TEK: variants seen among roughly 807,000 people sequenced by gnomAD.
TEK encodes angiopoietin-1 receptor.
In TEK, 43 loss-of-function variants were observed where a neutral mutation model predicts 131.8. The ratio of observed to expected loss-of-function variants is 0.33; its 90% CI spans 0.26 to 0.42. The LOEUF is 0.42. TEK is among the 10% of genes least tolerant of loss of function. TEK has a pLI of 1.00. For synonymous variants in TEK, 580 were observed against 491.6 expected (o/e 1.18, Z -2.38); for missense variants, 1,162 against 1,384.4 (o/e 0.84, Z 2.55).
At chr9:27,176,021 A>G (rs1281192728) in intron 6 of TEK, among the ~76,000 whole-genome samples, 1 of 152,168 alleles carries the variant, frequency 6.6e-6, no homozygotes, top group East Asian at 1.9e-4. Flanking sequence ...TCCTGGCTCA[A>G]GAAATCACCA....
intron 6 of TEK, among the ~76,000 whole-genome samples, chr9:27,177,057 T>C (rs1462352819): frequency 1.3e-5 from 2 of 152,204 alleles, no homozygotes; most frequent in African/African-American, 4.8e-5. Context: ...CCATTATATA[T>C]GTGTACACAC....
intron 1 of TEK, among the ~76,000 whole-genome samples, chr9:27,152,346 G>A (rs1479638724): frequency 2.0e-5 from 3 of 151,554 alleles, no homozygotes; most frequent in South Asian, 2.1e-4. Flanking sequence ...CCAACACTTC[G>A]AAGATCAGGG....
At chr9:27,155,476 C>G (rs991486694) in intron 1 of TEK, among the ~76,000 whole-genome samples, 4 of 152,134 alleles carry the variant, frequency 2.6e-5, no homozygotes, top group African/African-American at 9.7e-5. Context: ...TACACGAAGA[C>G]TTGACTTTGA....
chr9:27,215,384 C>T (rs915909460), intron 18 of TEK, among the ~76,000 whole-genome samples: 1 of 152,082 alleles, frequency 6.6e-6, no homozygotes, highest in Non-Finnish European at 1.5e-5. Context: ...TGCAGTGTGG[C>T]AAGACACTCC....
chr9:27,180,749 G>T (rs13295206), intron 7 of TEK, among the ~76,000 whole-genome samples: 11,395 of 152,082 alleles, frequency 0.075, 558 homozygotes, highest in South Asian at 0.11. Context: ...GCAATAGAAA[G>T]AATAAAACAA....
chr9:27,204,276 G>A (rs1413827), intron 13 of TEK, among the ~76,000 whole-genome samples: 36,594 of 152,006 alleles, frequency 0.24, 4,596 homozygotes, highest in Admixed American at 0.32. Flanking sequence ...AAAATATATC[G>A]AGTTTAATTT....
intron 16 of TEK, among the ~76,000 whole-genome samples, chr9:27,209,646 A>C (rs919008333): frequency 5.3e-5 from 8 of 152,228 alleles, no homozygotes; most frequent in Non-Finnish European, 2.9e-5. Context: ...GAATGCCAGC[A>C]ATCTAGTGTA....
In TEK at chr9:27,158,143, G is replaced by A; in HGVS notation, c.364+1G>A. Reference sequence around the variant, plus strand: ...CGAACCATGAAGATGCGTCAACAAGGTAACATGCCCCTAAGTTTTGGGCAG... The same window carrying A: ...CGAACCATGAAGATGCGTCAACAAGATAACATGCCCCTAAGTTTTGGGCAG... On this transcript the variant is annotated splice_donor_variant, in intron 2 of 22. Coordinates refer to ENST00000380036, the MANE Select transcript of TEK (RefSeq NM_000459.5). LOFTEE classifies it high-confidence loss of function. 2 of 1,614,062 alleles carry A rather than the reference G, an allele frequency of 1.2e-6. No homozygotes were observed. The highest frequency in any genetic ancestry group is 1.7e-6 in the Non-Finnish European group (2 of 1,179,998).
intron 1 of TEK, among the ~76,000 whole-genome samples, chr9:27,133,780 G>T (rs761554034): frequency 1.3e-5 from 2 of 152,136 alleles, no homozygotes; most frequent in Admixed American, 6.5e-5. Context: ...TTCAACCAGA[G>T]TAATTATACT....
intron 18 of TEK, among the ~76,000 whole-genome samples, chr9:27,215,016 T>C (rs1825766450): frequency 6.6e-6 from 1 of 152,176 alleles, no homozygotes; most frequent in Non-Finnish European, 1.5e-5. Flanking sequence ...TCAAATCTCC[T>C]TCCTGAAATC....
intron 2 of TEK, among the ~76,000 whole-genome samples, chr9:27,162,739 G>A (rs922562922): frequency 8.0e-5 from 12 of 150,672 alleles, no homozygotes; most frequent in African/African-American, 1.5e-4. Context: ...TTTTTTAGAC[G>A]GAGTCTTGCT....
chr9:27,168,503 C>A lies in TEK; in HGVS notation c.373C>A (p.Leu125Ile), dbSNP rs776834033. Reference protein sequence around the residue: ...TMKMRQQASFLPATLTMTVDK... With the variant: ...TMKMRQQASFIPATLTMTVDK... ...TTTCTCTCTTTTAAAAGCTTCCTTC[C>A]TACCAGCTACTTTAACTATGACTGT... The change falls in exon 3 of 23, where the codon CTA (leucine) becomes ATA (isoleucine). Residue 125 changes from leucine (L) to isoleucine (I), a missense_variant. Physicochemically the swap from Leu to Ile is conservative, Grantham distance 5. Transcript: ENST00000380036. The A allele has an allele frequency of 6.2e-7, 1 of 1,613,168 alleles. No homozygotes were observed. The highest frequency in any genetic ancestry group is 2.2e-5 in the East Asian group (1 of 44,836).
chr9:27,205,798 T>G (rs575266367), intron 14 of TEK, among the ~76,000 whole-genome samples: 12 of 152,348 alleles, frequency 7.9e-5, no homozygotes, highest in Admixed American at 7.8e-4. Flanking sequence ...TTATCAATTC[T>G]GTATATAATG....
chr9:27,143,108 C>G (rs1331715986), intron 1 of TEK, among the ~76,000 whole-genome samples: 2 of 152,306 alleles, frequency 1.3e-5, no homozygotes, highest in South Asian at 2.1e-4. Flanking sequence ...AGCTGGGCTT[C>G]TGTTTCTTTA....
At chr9:27,224,543 A>G (rs1826228719) in intron 21 of TEK, among the ~76,000 whole-genome samples, 1 of 152,164 alleles carries the variant, frequency 6.6e-6, no homozygotes, top group Non-Finnish European at 1.5e-5. Context: ...AAAGCCTTCA[A>G]GGAAATTCAA....
At chr9:27,154,608 C>G (rs556326748) in intron 1 of TEK, among the ~76,000 whole-genome samples, 36 of 152,322 alleles carry the variant, frequency 2.4e-4, no homozygotes, top group African/African-American at 8.2e-4. Flanking sequence ...CAGATACTAG[C>G]AAATACAACT....
chr9:27,111,327 A>ATAGG (rs1179971896), intron 1 of TEK, among the ~76,000 whole-genome samples: 1 of 152,170 alleles, frequency 6.6e-6, no homozygotes, highest in African/African-American at 2.4e-5. Context: ...TTGCATTCCT[A>ATAGG]GTCTAAGCCT....
chr9:27,195,739 C>G (rs1297561559), intron 11 of TEK: 1 of 451,596 alleles, frequency 2.2e-6, no homozygotes, highest in Non-Finnish European at 4.4e-6. Flanking sequence ...CCCCTAACAC[C>G]TTCCAAGCAT....
In TEK at chr9:27,220,110, C is replaced by T. The variant is rs1826003461; in HGVS notation, c.3165C>T (p.Tyr1055=). The T allele has an allele frequency of 2.5e-6, 4 of 1,614,050 alleles. No homozygotes were observed. Among genetic ancestry groups the T allele is most frequent in the Non-Finnish European group, 3.4e-6 (4 of 1,179,984 alleles). Residue 1055 remains tyrosine (Y), a synonymous_variant, in exon 21 of 23, where the codon TAC becomes TAT. Transcript: ENST00000380036. ...AELYEKLPQG[Y]RLEKPLNCDD... is the part of the protein sequence containing the mutation. ...TCTACGAGAAGCTGCCCCAGGGCTA[C>T]AGACTGGAGAAGCCCCTGAACTGTG...
Sources: allele counts gnomAD v4.1 joint callset (sites outside exome capture counted in the v4.1 genomes callset), GRCh38; gene constraint gnomAD v4.1.1; transcripts MANE v1.5; gene names NCBI Gene and HGNC (gene_info 2026-07-23, HGNC 2026-07-21).